Variants in WDR62 observed in about 807,000 individuals in gnomAD.
The protein encoded by WDR62 is WD repeat-containing protein 62.
A neutral mutation model predicts 160.6 loss-of-function variants in WDR62; 112 were observed. The observed-to-expected ratio is 0.70, with a 90% CI of 0.60 to 0.82. The LOEUF is 0.82. Ranked by LOEUF, WDR62 falls within the 40% of genes least tolerant of loss-of-function variation. WDR62 has a pLI of 0.00. For missense variants in WDR62, 1,819 were observed against 1,983.8 expected (o/e 0.92, Z 1.58); for synonymous variants, 792 against 815.1 (o/e 0.97, Z 0.48).
At chr19:36,063,235 A>ATG (rs1568326074) in intron 3 of WDR62, among the ~76,000 whole-genome samples, 2 of 149,858 alleles carry the variant, frequency 1.3e-5, no homozygotes, top group Non-Finnish European at 3.0e-5. Context: ...GAGCCACAGC[A>ATG]CCTGGCCACT....
At position 36,100,865 on chromosome 19, in the gene WDR62, G is replaced by A. The variant is rs1207066928; in HGVS notation, c.2857G>A (p.Gly953Arg). 2 of 1,614,230 alleles carry A rather than the reference G, an allele frequency of 1.2e-6. No individual in the cohort carries two copies. The highest frequency in any genetic ancestry group is 1.7e-6 in the Non-Finnish European group (2 of 1,180,032). ...TCTGGAGGCAGAAGTGACAGTCACA[G>A]GGACAGACAGGTGGGTGTCCTTTCC... ...YSLEAEVTVT[G>R]TDSQYCRKEV... Residue 953 changes from glycine to arginine, a missense_variant, in exon 23 of 32, where the codon GGG becomes AGG. Transcript: ENST00000401500.
At chr19:36,057,977 G>A (rs1281561601) in intron 1 of WDR62, among the ~76,000 whole-genome samples, 16 of 152,148 alleles carry the variant, frequency 1.1e-4, no homozygotes, top group Admixed American at 8.5e-4. Flanking sequence ...TTGGGCCTCA[G>A]ACTTCTTACC....
Position 36,103,723 on chromosome 19 carries a change from C to T in WDR62, c.3895C>T (p.Leu1299=), listed in dbSNP as rs1441599525. 4 of 1,611,274 alleles carry T rather than the reference C, an allele frequency of 2.5e-6. No individual in the cohort carries two copies. Among genetic ancestry groups the T allele is most frequent in the South Asian group, 2.2e-5 (2 of 91,074 alleles). The change falls in exon 30 of 32, where the codon CTG becomes TTG. Residue 1299 remains leucine, a synonymous_variant. Transcript: ENST00000401500. ...CCACGAGGCCCGGGCCAACCTGAGA[C>T]TGACCCTGTCAAGTGCCTGTGATGG... ...GNHEARANLR[L]TLSSACDGLL... is the part of the protein sequence containing the mutation.
chr19:36,058,765 G>A lies in WDR62; in HGVS notation c.178-15G>A, dbSNP rs756360440. On this transcript the variant is annotated splice_polypyrimidine_tract_variant and intron_variant, in intron 1 of 31. Coordinates refer to ENST00000401500, the MANE Select transcript of WDR62 (RefSeq NM_001083961.2). ...GCTAGGGTGGGTGCCTCTGACTTGG[G>A]CTTTTTCTTTGCAGGTGTCACTCGA... 6 of 1,612,864 alleles carry A rather than the reference G, an allele frequency of 3.7e-6. No homozygotes were observed. The highest frequency in any genetic ancestry group is 4.2e-6 in the Non-Finnish European group (5 of 1,179,076).
chr19:36,078,108 G>A (rs2871649), intron 9 of WDR62, among the ~76,000 whole-genome samples: 117,935 of 151,820 alleles, frequency 0.78, 46,580 homozygotes, highest in African/African-American at 0.92. Context: ...CCTTATGGCT[G>A]TTGCGAATAC....
chr19:36,059,226 C>A (rs1488091251), intron 2 of WDR62, among the ~76,000 whole-genome samples: 1 of 152,176 alleles, frequency 6.6e-6, no homozygotes, highest in Non-Finnish European at 1.5e-5. Context: ...CTCTGTAAAA[C>A]AGAGCTGGTG....
At chr19:36,067,718 C>T (rs1971017432) in intron 6 of WDR62, 110 bp from the exon 7 acceptor site, 13 of 1,292,504 alleles carry the variant, frequency 1.0e-5, no homozygotes, top group Non-Finnish European at 1.4e-5. Flanking sequence ...CTTCCCTTCT[C>T]CATTTGGAAG....
intron 21 of WDR62, 78 bp downstream of exon 21, chr19:36,097,157 T>C (rs1359293810): frequency 7.2e-7 from 1 of 1,382,222 alleles, no homozygotes; most frequent in Non-Finnish European, 1.0e-6. Context: ...GAAGCCCTTT[T>C]TCCTTTCCAT....
chr19:36,059,626 G>C (rs1462490429), intron 2 of WDR62, among the ~76,000 whole-genome samples: 1 of 152,050 alleles, frequency 6.6e-6, no homozygotes, highest in Non-Finnish European at 1.5e-5. Context: ...GTGGAGATGA[G>C]ATCTCACTCT....
At chr19:36,056,385 C>G (rs1161478665) in intron 1 of WDR62, among the ~76,000 whole-genome samples, 14 of 152,152 alleles carry the variant, frequency 9.2e-5, no homozygotes, top group Non-Finnish European at 1.5e-5. Flanking sequence ...CACCAAGGTT[C>G]AGTCACACTG....
At chr19:36,085,666 G>A (rs1311893859) in intron 12 of WDR62, among the ~76,000 whole-genome samples, 1 of 151,890 alleles carries the variant, frequency 6.6e-6, no homozygotes, top group Non-Finnish European at 1.5e-5. Context: ...CTGAAGGCTA[G>A]GACCATAGTA....
In WDR62 at chr19:36,066,176, C is replaced by T. The variant is rs1018659601; in HGVS notation, c.391-81C>T. On this transcript the variant is annotated intron_variant, in intron 4 of 31. Transcript: ENST00000401500. ...GGTGGCTTTTGGGCACATCCTGTGG[C>T]AATGCCATCTTCGGCCTTGACAACC... The T allele has an allele frequency of 1.9e-5, 30 of 1,601,600 alleles. No individual in the cohort carries two copies. The African/African-American group carries it at 3.9e-4, about 21-fold the overall frequency.
rs1970936752 is a variant in WDR62 at position 36,066,315 on chromosome 19, A to T, written c.449A>T (p.Glu150Val). 6.2e-7 allele frequency: 1 copy of T among 1,614,096 alleles called. No individual in the cohort carries two copies. The highest frequency in any genetic ancestry group is 1.1e-5 in the South Asian group (1 of 91,092). The change falls in exon 5 of 32, where the codon GAG (glutamate) becomes GTG (valine). Residue 150 changes from glutamate to valine, a missense_variant. Around this residue, in one of 3 missense-constraint regions of WDR62, gnomAD observed 934 missense variants for 1,157.2 expected, o/e 0.81. Coordinates refer to ENST00000401500, the MANE Select transcript of WDR62 (RefSeq NM_001083961.2). ...WDVEEKNQVA[E>V]MLGHKYGVAC... ...GTGGAGGAGAAGAATCAGGTGGCGG[A>T]GATGCTAGGCCACAAGTATGGTGTG...
chr19:36,075,726 G>A lies in WDR62; in HGVS notation c.1233+2195G>A, dbSNP rs530892650. Among the ~76,000 whole-genome samples the A allele has an allele frequency of 1.2e-3, 186 of 152,292 alleles. 1 individual carries two copies. Among genetic ancestry groups the A allele is most frequent in the African/African-American group, 4.3e-3 (180 of 41,566 alleles). ...CTCCCAAAGTGCTGGGATTACAGGC[G>A]TGAGCCACTGTGCCTGGCCTGTTAG... On this transcript the variant is annotated intron_variant, in intron 9 of 31. Transcript: ENST00000401500.
Position 36,066,024 on chromosome 19 carries a change from T to C in WDR62, c.390+9T>C. On this transcript the variant is annotated intron_variant, in intron 4 of 31. Coordinates refer to ENST00000401500, the MANE Select transcript of WDR62 (RefSeq NM_001083961.2). ...ACATAGTGACAGGGGAGGTGAGTCGTGATCGTGACTGAGTGGGAGTCGGGG... is the reference window on the plus strand; with the variant it reads ...ACATAGTGACAGGGGAGGTGAGTCGCGATCGTGACTGAGTGGGAGTCGGGG... 1 of 1,614,010 alleles carries C rather than the reference T, an allele frequency of 6.2e-7. No homozygotes were observed. Among genetic ancestry groups the C allele is most frequent in the Non-Finnish European group, 8.5e-7 (1 of 1,179,976 alleles).
At chr19:36,095,279 C>A (rs996480006) in intron 20 of WDR62, among the ~76,000 whole-genome samples, 1 of 152,096 alleles carries the variant, frequency 6.6e-6, no homozygotes, top group Non-Finnish European at 1.5e-5. Flanking sequence ...AAAAGATACC[C>A]CCAGCAACTA....
At chr19:36,092,634 C>T (rs1050346384) in intron 18 of WDR62, 55 bp from the exon 19 acceptor site, 8 of 1,610,476 alleles carry the variant, frequency 5.0e-6, no homozygotes, top group Middle Eastern at 1.7e-4. Context: ...GCCACGGCAG[C>T]GGCTCCCATG....
At chr19:36,058,173 GA>G (rs1407424039) in intron 1 of WDR62, among the ~76,000 whole-genome samples, 1 of 152,140 alleles carries the variant, frequency 6.6e-6, no homozygotes, top group African/African-American at 2.4e-5. Flanking sequence ...CCAACATGGT[GA>G]AACCCCATCT....
At position 36,082,870 on chromosome 19, in the gene WDR62, A is replaced by T. The variant is rs182757789; in HGVS notation, c.1372-193A>T. Among the ~76,000 whole-genome samples the T allele has an allele frequency of 1.1e-3, 172 of 152,326 alleles. 1 individual carries two copies. The highest frequency in any genetic ancestry group is 1.6e-3 in the Non-Finnish European group (110 of 68,026). On this transcript the variant is annotated intron_variant, in intron 10 of 31. Coordinates refer to ENST00000401500, the MANE Select transcript of WDR62 (RefSeq NM_001083961.2). ...AGAATACGTGCTTGCTTTATATTTAATAGTTCAGAATTTATTCACATATTC... is the reference window on the plus strand; with the variant it reads ...AGAATACGTGCTTGCTTTATATTTATTAGTTCAGAATTTATTCACATATTC...
Sources: allele counts gnomAD v4.1 joint callset (sites outside exome capture counted in the v4.1 genomes callset), GRCh38; gene constraint gnomAD v4.1.1; regional missense constraint gnomAD v4.1.1; transcripts MANE v1.5; gene names NCBI Gene and HGNC (gene_info 2026-07-23, HGNC 2026-07-21).